LSS: variants seen among roughly 807,000 people sequenced by gnomAD.
LSS encodes the protein 2,3-epoxysqualene-lanosterol cyclase.
In LSS, 90 loss-of-function variants were observed where a neutral mutation model predicts 110.3. The observed-to-expected ratio is 0.82, with a 90% CI of 0.69 to 0.97. The LOEUF is 0.97. Among genes scored for constraint, LSS ranks in the 50% least tolerant of loss-of-function variants. The pLI, the probability that LSS is intolerant of heterozygous loss-of-function variation, is 0.00. For synonymous variants in LSS, 433 were observed against 400.0 expected, an observed-to-expected ratio of 1.08 and a Z score of -0.98; for missense variants, 927 against 990.0, an observed-to-expected ratio of 0.94 and a Z score of 0.85.
chr21:46,209,017 T>C lies in LSS; in HGVS notation c.1266+537A>G, dbSNP rs2080091973. Among the ~76,000 whole-genome samples the C allele has an allele frequency of 2.0e-5, 3 of 151,564 alleles. No homozygotes were observed. Among genetic ancestry groups the C allele is most frequent in the South Asian group, 4.2e-4 (2 of 4,788 alleles). Reference sequence around the variant, plus strand: ...GACAGGGTGTGGGAGACACGGGAGGTTGGGGCGCATGTATGGGATGACTGT... The same window carrying C: ...GACAGGGTGTGGGAGACACGGGAGGCTGGGGCGCATGTATGGGATGACTGT... On this transcript the variant is annotated intron_variant, in intron 13 of 21. Coordinates refer to ENST00000397728, the MANE Select transcript of LSS (RefSeq NM_002340.6). The surrounding 1 kb of genome is among the most constrained non-coding windows in gnomAD (Gnocchi z 4.4).
intron 3 of LSS, chr21:46,224,692 A>T (rs901356268): frequency 6.6e-6 from 1 of 152,304 alleles, no homozygotes; most frequent in African/African-American, 2.4e-5. Flanking sequence ...TGGGGCTAGG[A>T]GGTCAGACCC....
chr21:46,213,084 A>T, intron 10 of LSS, 32 bp from the exon 11 acceptor site: 1 of 1,611,348 alleles, frequency 6.2e-7, no homozygotes, highest in Non-Finnish European at 8.5e-7. Flanking sequence ...AGTCAGGTGC[A>T]AGGAGAAAGC....
At chr21:46,202,638 T>C (rs1214756502) in intron 17 of LSS, among the ~76,000 whole-genome samples, 1 of 151,796 alleles carries the variant, frequency 6.6e-6, no homozygotes, top group African/African-American at 2.4e-5. Flanking sequence ...AATCCCAGCA[T>C]TTGGGGAGGC....
rs560218523 is a variant in LSS at position 46,197,150 on chromosome 21, G to A, written c.1671-883C>T. 8.4e-4 allele frequency among the ~76,000 whole-genome samples: 128 copies of A among 152,222 alleles called. 1 individual carries two copies. Among genetic ancestry groups the A allele is most frequent in the Admixed American group, 4.8e-3 (73 of 15,288 alleles). On this transcript the variant is annotated intron_variant, in intron 17 of 21. Coordinates refer to ENST00000397728, the MANE Select transcript of LSS (RefSeq NM_002340.6). ...TAGGTTTGTACTAATATTGTTACTCGGCAACAGGTAACAAATACAAATAGT... is the reference window on the plus strand; with the variant it reads ...TAGGTTTGTACTAATATTGTTACTCAGCAACAGGTAACAAATACAAATAGT...
At chr21:46,207,333 G>A (rs900389825) in intron 15 of LSS, 95 bp downstream of exon 15, 9 of 1,464,434 alleles carry the variant, frequency 6.1e-6, no homozygotes, top group Admixed American at 4.0e-5. Context: ...TGGCCGGACT[G>A]TGTGCTGGGC....
At chr21:46,210,815 C>T in intron 11 of LSS, 71 bp from the exon 12 acceptor site, 1 of 1,473,400 alleles carries the variant, frequency 6.8e-7, no homozygotes, top group South Asian at 1.2e-5. Flanking sequence ...CTCCAGGATC[C>T]AATGGGCGCC....
intron 6 of LSS, among the ~76,000 whole-genome samples, chr21:46,218,735 T>C (rs1200719996): frequency 6.6e-6 from 1 of 151,308 alleles, no homozygotes; most frequent in Admixed American, 6.6e-5. Context: ...ATCTTTTTTT[T>C]TTTTTTTTTG....
chr21:46,203,001 GACA>G (rs1429455035), intron 17 of LSS, among the ~76,000 whole-genome samples: 5 of 152,348 alleles, frequency 3.3e-5, no homozygotes, highest in East Asian at 1.9e-4. Flanking sequence ...TCTACACAGT[GACA>G]ACAACTGACA....
At position 46,190,298 on chromosome 21, in the gene LSS, T is replaced by C. The variant is rs1327429193; in HGVS notation, c.*806A>G. 3.6e-5 allele frequency: 6 copies of C among 167,350 alleles called. 1 individual carries two copies. Among genetic ancestry groups the C allele is most frequent in the African/African-American group, 1.5e-4 (6 of 40,250 alleles). 10.4% of individuals were successfully genotyped at this position (167,350 alleles called of 1,614,324 possible). A position where few individuals can be genotyped will look rare whatever the true frequency, so the allele number is the denominator to read the frequency against. ...CATTTCTGTGTCCACAAGACTACTA[T>C]AAACCCTGTAGACACCTCACAAACA... On this transcript the variant is annotated 3_prime_UTR_variant, in exon 22 of 22. Transcript: ENST00000397728. The surrounding 1 kb of genome is among the most constrained non-coding windows in gnomAD (Gnocchi z 4.6).
intron 16 of LSS, among the ~76,000 whole-genome samples, chr21:46,206,203 G>A (rs916444049): frequency 2.0e-5 from 3 of 152,214 alleles, no homozygotes; most frequent in African/African-American, 4.8e-5. Context: ...CCAGGAAGGC[G>A]GGTATGTGAG....
rs542066741 is a variant in LSS at position 46,213,151 on chromosome 21, T to C, written c.1110-99A>G. On this transcript the variant is annotated intron_variant, in intron 10 of 21. Coordinates refer to ENST00000397728, the MANE Select transcript of LSS (RefSeq NM_002340.6). ...TCAGGAGGGTCCCAGAGAGGCCGTC[T>C]GTCCCCTCCCGAGGCCTGGCACTGG... The C allele has an allele frequency of 3.2e-5, 38 of 1,190,106 alleles. 1 individual carries two copies. The Admixed American group carries it at 6.8e-4, about 21-fold the overall frequency. 73.7% of individuals were successfully genotyped at this position (1,190,106 alleles called of 1,614,324 possible).
At chr21:46,221,210 G>A (rs1196764860) in intron 5 of LSS, among the ~76,000 whole-genome samples, 2 of 151,968 alleles carry the variant, frequency 1.3e-5, no homozygotes, top group African/African-American at 4.8e-5. Context: ...GGCTTGGAGA[G>A]GTAGACGATC....
In LSS at chr21:46,207,452, T is replaced by C. The variant is rs745346338; in HGVS notation, c.1443A>G (p.Glu481=). ...CCACAGCCACAGCATCGCAGAGCCG[T>C]TCTCTGGGGATGTGCTCGGTGACAT... ...CPHVTEHIPR[E]RLCDAVAVLL... The change falls in exon 15 of 22, where the codon GAA becomes GAG. Residue 481 remains glutamate, a synonymous_variant. Coordinates refer to ENST00000397728, the MANE Select transcript of LSS (RefSeq NM_002340.6). 8 of 1,612,496 alleles carry C rather than the reference T, an allele frequency of 5.0e-6. No individual in the cohort carries two copies. Among genetic ancestry groups the C allele is most frequent in the Middle Eastern group, 1.6e-4 (1 of 6,078 alleles).
chr21:46,221,943 G>A lies in LSS; in HGVS notation c.461C>T (p.Thr154Ile), dbSNP rs1418373365. 3.6e-5 allele frequency: 58 copies of A among 1,614,078 alleles called. No homozygotes were observed. Among genetic ancestry groups the A allele is most frequent in the Non-Finnish European group, 4.6e-5 (54 of 1,180,022 alleles). The change falls in exon 5 of 22, where the codon ACT becomes ATT. Residue 154 changes from threonine to isoleucine, a missense_variant. By Grantham distance (89) the Thr-to-Ile change is moderately conservative (BLOSUM62 -1). Transcript: ENST00000397728. ...TCTGAGAGACACATAGTTGAGCGCAGTCCCAAACACGGTGGACTTATCCTC... is the reference window on the plus strand; with the variant it reads ...TCTGAGAGACACATAGTTGAGCGCAATCCCAAACACGGTGGACTTATCCTC... ...HIEDKSTVFG[T>I]ALNYVSLRIL...
At position 46,194,497 on chromosome 21, in the gene LSS, GCCATCAGCC is replaced by G. The variant is rs1487250776; in HGVS notation, c.1973_1981del (p.Gly658_Met660del). Reference sequence around the variant, plus strand: ...ACGGTCCCGTCGTCCCCACCGAACGGCCATCAGCCCCATCATGGCCCAGCATGTGTTATG... The same window carrying G: ...ACGGTCCCGTCGTCCCCACCGAACGGCCATCATGGCCCAGCATGTGTTATG... On this transcript the variant is annotated inframe_deletion, in exon 20 of 22. Transcript: ENST00000397728. 6.2e-7 allele frequency: 1 copy of G among 1,613,522 alleles called. No individual in the cohort carries two copies. Among genetic ancestry groups the G allele is most frequent in the South Asian group, 1.1e-5 (1 of 91,078 alleles).
At position 46,188,710 on chromosome 21, in the gene LSS, C is replaced by T. The variant is rs1322437674; in HGVS notation, c.*2394G>A. 8.5e-6 allele frequency: 4 copies of T among 471,068 alleles called. No homozygotes were observed. Among genetic ancestry groups the T allele is most frequent in the East Asian group, 7.0e-5 (1 of 14,386 alleles). The allele number at this position is 471,068 out of a possible 1,614,324, so 29.2% of individuals were successfully genotyped here. Reference sequence around the variant, plus strand: ...CTCCCTCTAAACAATGGATTGAACACAGATGTGATTTCTAAAGAAGACTGA... The same window carrying T: ...CTCCCTCTAAACAATGGATTGAACATAGATGTGATTTCTAAAGAAGACTGA... On this transcript the variant is annotated 3_prime_UTR_variant, in exon 22 of 22. Transcript: ENST00000397728.
chr21:46,191,738 A>C, intron 21 of LSS, 143 bp downstream of exon 21: 1 of 691,130 alleles, frequency 1.4e-6, no homozygotes, highest in Non-Finnish European at 2.6e-6. Context: ...CCTGCCACCA[A>C]CTGTGGCATT....
intron 17 of LSS, among the ~76,000 whole-genome samples, chr21:46,200,101 G>A (rs2079960559): frequency 6.6e-6 from 1 of 152,052 alleles, no homozygotes. Context: ...AAAAGATAAA[G>A]TACATAAATT....
Position 46,191,072 on chromosome 21 carries a change from GCA to G in LSS, c.*30_*31del, listed in dbSNP as rs2079805225. On this transcript the variant is annotated 3_prime_UTR_variant, in exon 22 of 22. Transcript: ENST00000397728. The stretch of plus-strand genomic sequence containing the variant: ...CAGGACCCCTTGGCCTCACTGGAAC[GCA>G]CAGACGGCACCCAGCAGGTAGGCAT... 2 of 1,613,170 alleles carry G rather than the reference GCA, an allele frequency of 1.2e-6. No individual in the cohort carries two copies. The highest frequency in any genetic ancestry group is 1.7e-6 in the Non-Finnish European group (2 of 1,179,652).
Sources: gnomAD v4.1 joint callset for allele counts (sites outside exome capture counted in the v4.1 genomes callset) on GRCh38, gnomAD v4.1.1 for gene constraint, Gnocchi (gnomAD v3.1) non-coding constraint, MANE v1.5 for transcripts, NCBI Gene and HGNC (gene_info 2026-07-23, HGNC 2026-07-21) for gene names.